Variants in EPHA6 observed in about 807,000 individuals in gnomAD.
EPHA6 encodes EPH receptor A6, also known as ephrin type-A receptor 6.
In EPHA6, 50 loss-of-function variants were observed where a neutral mutation model predicts 112.0. That is an observed-to-expected ratio of 0.45 (90% CI 0.36 to 0.56). The LOEUF (loss-of-function observed/expected upper bound fraction) is 0.56, where lower values mean the gene tolerates loss of function less well. EPHA6 is among the 20% of genes least tolerant of loss of function. The pLI is 0.00. For synonymous variants in EPHA6, 529 were observed against 490.7 expected, an observed-to-expected ratio of 1.08 and a Z score of -1.03; for missense variants, 1,280 against 1,417.4, an observed-to-expected ratio of 0.90 and a Z score of 1.56.
At chr3:97,479,596 T>C (rs1038331964) in intron 9 of EPHA6, among the ~76,000 whole-genome samples, 1 of 152,214 alleles carries the variant, frequency 6.6e-6, no homozygotes, top group African/African-American at 2.4e-5. Context: ...CACAACAGAC[T>C]GAATTTGCTA....
At chr3:97,720,513 C>A in intron 15 of EPHA6, 103 bp downstream of exon 15, 2 of 1,015,858 alleles carry the variant, frequency 2.0e-6, no homozygotes, top group Non-Finnish European at 2.8e-6. Flanking sequence ...CTTTATCTTC[C>A]TGAGAACTTC....
intron 13 of EPHA6, among the ~76,000 whole-genome samples, chr3:97,614,494 C>G (rs1483249289): frequency 1.4e-5 from 2 of 146,266 alleles, no homozygotes; most frequent in Non-Finnish European, 3.0e-5. Flanking sequence ...ACCACCACAC[C>G]CAGCTAATTT....
intron 4 of EPHA6, among the ~76,000 whole-genome samples, chr3:97,228,175 T>C (rs1576725239): frequency 6.6e-6 from 1 of 152,170 alleles, no homozygotes; most frequent in East Asian, 1.9e-4. Flanking sequence ...ATTTTTATTT[T>C]TATAACAATA....
intron 2 of EPHA6, among the ~76,000 whole-genome samples, chr3:96,953,972 A>G (rs956061317): frequency 6.6e-6 from 1 of 151,900 alleles, no homozygotes; most frequent in Non-Finnish European, 1.5e-5. Context: ...TGCTGCACTT[A>G]AGGGATACTC....
intron 2 of EPHA6, among the ~76,000 whole-genome samples, chr3:96,987,035 A>G (rs1244171296): frequency 1.3e-5 from 2 of 152,176 alleles, no homozygotes; most frequent in African/African-American, 4.8e-5. Context: ...CCTTACAACA[A>G]CCCTGTGAAA....
intron 5 of EPHA6, among the ~76,000 whole-genome samples, chr3:97,255,144 ATGTGTGTG>A (rs10631180): frequency 2.6e-4 from 38 of 144,352 alleles, no homozygotes; most frequent in East Asian, 1.2e-3. Context: ...TACATCTTGG[ATGTGTGTG>A]TGTGTGTGTG....
chr3:97,344,841 A>C (rs1423551911), intron 5 of EPHA6, among the ~76,000 whole-genome samples: 1 of 152,172 alleles, frequency 6.6e-6, no homozygotes, highest in African/African-American at 2.4e-5. Context: ...AAAGAATATC[A>C]TCAATTCTAT....
At chr3:97,073,092 A>G (rs2046409349) in intron 3 of EPHA6, among the ~76,000 whole-genome samples, 1 of 152,132 alleles carries the variant, frequency 6.6e-6, no homozygotes, top group African/African-American at 2.4e-5. Context: ...TTTTATGTCA[A>G]GAGACTGCTT....
chr3:97,481,548 C>T (rs2091547627), intron 9 of EPHA6: 5 of 740,610 alleles, frequency 6.8e-6, no homozygotes, highest in Admixed American at 1.9e-5. Context: ...TCCCTAGAGC[C>T]GCCGGGGCGC....
chr3:97,316,184 T>C (rs919590044), intron 5 of EPHA6, among the ~76,000 whole-genome samples: 1 of 151,900 alleles, frequency 6.6e-6, no homozygotes. Context: ...GAATATGAGC[T>C]GTCTTCCTAG....
chr3:97,633,259 A>G (rs2093918780), intron 13 of EPHA6, among the ~76,000 whole-genome samples: 1 of 151,912 alleles, frequency 6.6e-6, no homozygotes, highest in African/African-American at 2.4e-5. Context: ...GGTAAAATCC[A>G]TGTTTCTTAG....
chr3:97,028,860 G>C (rs2044728752), intron 3 of EPHA6, among the ~76,000 whole-genome samples: 1 of 151,660 alleles, frequency 6.6e-6, no homozygotes. Context: ...TTTAATTCTT[G>C]ATCTGTTAAA....
chr3:96,978,096 G>T (rs748113528), intron 2 of EPHA6, among the ~76,000 whole-genome samples: 7 of 152,168 alleles, frequency 4.6e-5, no homozygotes, highest in Non-Finnish European at 8.8e-5. Context: ...GGACATGGAG[G>T]TTGCAGTGAC....
intron 2 of EPHA6, among the ~76,000 whole-genome samples, chr3:96,984,338 G>C (rs983675537): frequency 6.6e-6 from 1 of 152,140 alleles, no homozygotes; most frequent in Non-Finnish European, 1.5e-5. Flanking sequence ...TGTTTGCCTG[G>C]GTATCTGCAG....
At chr3:97,654,813 G>A (rs1255078874) in intron 14 of EPHA6, among the ~76,000 whole-genome samples, 1 of 151,772 alleles carries the variant, frequency 6.6e-6, no homozygotes, top group Non-Finnish European at 1.5e-5. Context: ...AAAGGGCATG[G>A]AAAAGAGTAG....
chr3:97,211,558 G>A lies in EPHA6; in HGVS notation c.1115-14706G>A, dbSNP rs578065696. ...TATTTGCAGATGGCTATCTTCTGCT[G>A]TCCTCACATGTAAGAGGGCAGAGAG... is the stretch of plus-strand genomic sequence containing the variant. On this transcript the variant is annotated intron_variant, in intron 3 of 17. Transcript: ENST00000389672. 1.4e-4 allele frequency among the ~76,000 whole-genome samples: 21 copies of A among 152,250 alleles called. No homozygotes were observed. In the South Asian group the frequency reaches 4.4e-3, roughly 32 times the overall value.
intron 2 of EPHA6, among the ~76,000 whole-genome samples, chr3:96,872,205 C>T (rs2036665606): frequency 6.6e-6 from 1 of 152,004 alleles, no homozygotes; most frequent in Non-Finnish European, 1.5e-5. Context: ...TAATCATTTG[C>T]AGTAGGAGGA....
intron 2 of EPHA6, among the ~76,000 whole-genome samples, chr3:96,881,333 G>T (rs909906555): frequency 6.6e-6 from 1 of 152,170 alleles, no homozygotes; most frequent in Non-Finnish European, 1.5e-5. Context: ...GGCTGGGGAA[G>T]CCTCACATTC....
intron 2 of EPHA6, among the ~76,000 whole-genome samples, chr3:96,943,169 TC>T (rs556170898): frequency 1.3e-5 from 2 of 152,162 alleles, no homozygotes; most frequent in Non-Finnish European, 2.9e-5. Flanking sequence ...AGGATTTCAT[TC>T]TTTTTATGTC....
Sources: gnomAD v4.1 joint callset for allele counts (sites outside exome capture counted in the v4.1 genomes callset) on GRCh38, gnomAD v4.1.1 for gene constraint, MANE v1.5 for transcripts, NCBI Gene and HGNC (gene_info 2026-07-23, HGNC 2026-07-21) for gene names.